Variants in JARID2 observed in about 807,000 individuals in gnomAD.
The protein encoded by JARID2 is jumonji and AT-rich interaction domain containing 2, also known as protein Jumonji.
A neutral mutation model predicts 125.6 loss-of-function variants in JARID2; 21 were observed. The observed-to-expected ratio is 0.17, with a 90% CI of 0.12 to 0.24. JARID2 has a LOEUF of 0.24. Ranked by LOEUF, JARID2 falls within the 10% of genes least tolerant of loss-of-function variation. The pLI, the probability that JARID2 is intolerant of heterozygous loss-of-function variation, is 1.00. For synonymous variants in JARID2, 736 were observed against 661.6 expected (o/e 1.11, Z -1.73); for missense variants, 1,303 against 1,639.6 (o/e 0.79, Z 3.55).
intron 1 of JARID2, among the ~76,000 whole-genome samples, chr6:15,361,076 A>G (rs1763774863): frequency 6.6e-6 from 1 of 152,244 alleles, no homozygotes; most frequent in Non-Finnish European, 1.5e-5. Flanking sequence ...AACAGGTAAC[A>G]GCACATTGAA....
Position 15,320,852 on chromosome 6 carries a change from C to CTGTGTGTGTGTGTG in JARID2, c.46-53247_46-53234dup, listed in dbSNP as rs71944757. Among the ~76,000 whole-genome samples the CTGTGTGTGTGTGTG allele has an allele frequency of 6.9e-3, 1,004 of 145,394 alleles. 7 individuals are homozygous for CTGTGTGTGTGTGTG. Among genetic ancestry groups the CTGTGTGTGTGTGTG allele is most frequent in the African/African-American group, 0.015 (590 of 39,320 alleles). On this transcript the variant is annotated intron_variant, in intron 1 of 17. Transcript: ENST00000341776. The stretch of plus-strand genomic sequence containing the variant: ...AATATGATTCATTCTCTCTCTCTCT[C>CTGTGTGTGTGTGTG]TGTGTGTGTGTGTGTGTGTGTGTGT...
intron 4 of JARID2, among the ~76,000 whole-genome samples, chr6:15,467,359 A>G (rs953816875): frequency 1.3e-5 from 2 of 152,168 alleles, no homozygotes; most frequent in Admixed American, 6.5e-5. Flanking sequence ...TAGCTCATTC[A>G]TAGGCAGGCA....
chr6:15,458,946 G>A (rs907936776), intron 4 of JARID2, among the ~76,000 whole-genome samples: 2 of 151,116 alleles, frequency 1.3e-5, no homozygotes, highest in African/African-American at 4.8e-5. Context: ...CTTCAAGTCA[G>A]GGGTGACATC....
In JARID2 at chr6:15,496,407, G is replaced by C. The variant is rs139296418; in HGVS notation, c.1182G>C (p.Gly394=). The change falls in exon 7 of 18, where the codon GGG becomes GGC. Residue 394 remains glycine (G), a synonymous_variant. Transcript: ENST00000341776. ...CCCGCAAACAGGTGCTATCCCTCGGGGGGGCGTCCAAGTCCACTGGGCCCG... is the reference window on the plus strand; with the variant it reads ...CCCGCAAACAGGTGCTATCCCTCGGCGGGGCGTCCAAGTCCACTGGGCCCG... ...AKTRKQVLSL[G]GASKSTGPAV... is the part of the protein sequence containing the mutation. 20 of 1,613,860 alleles carry C rather than the reference G, an allele frequency of 1.2e-5. No individual in the cohort carries two copies. The highest frequency in any genetic ancestry group is 2.2e-5 in the South Asian group (2 of 91,064).
chr6:15,427,884 C>CT lies in JARID2; in HGVS notation c.323+17531dup, dbSNP rs71535041. ...GCTTATATGGGGTTGTTAGACATACCTTTTTTTTTTTTAATGCAGAGTGCT... is the reference window on the plus strand; with the variant it reads ...GCTTATATGGGGTTGTTAGACATACCTTTTTTTTTTTTTAATGCAGAGTGCT... On this transcript the variant is annotated intron_variant, in intron 3 of 17. Transcript: ENST00000341776. 9.1e-3 allele frequency among the ~76,000 whole-genome samples: 1,314 copies of CT among 145,094 alleles called. 9 individuals carry two copies. The highest frequency in any genetic ancestry group is 0.013 in the Non-Finnish European group (831 of 65,796).
chr6:15,379,332 TG>T (rs1251356606), intron 2 of JARID2, among the ~76,000 whole-genome samples: 2 of 152,194 alleles, frequency 1.3e-5, no homozygotes, highest in African/African-American at 4.8e-5. Context: ...GTCTACTTTT[TG>T]TTGTAGATAA....
intron 3 of JARID2, among the ~76,000 whole-genome samples, chr6:15,422,141 C>G (rs552277504): frequency 3.3e-5 from 5 of 152,176 alleles, no homozygotes; most frequent in South Asian, 4.1e-4. Flanking sequence ...GAGAGAAGCG[C>G]GTCCAGGAGA....
At chr6:15,497,909 T>C (rs1770543188) in intron 7 of JARID2, among the ~76,000 whole-genome samples, 1 of 152,178 alleles carries the variant, frequency 6.6e-6, no homozygotes, top group African/African-American at 2.4e-5. Context: ...CATGGCTGTT[T>C]TCTCCCTGTG....
At chr6:15,372,296 G>A (rs1247179373) in intron 1 of JARID2, among the ~76,000 whole-genome samples, 1 of 152,024 alleles carries the variant, frequency 6.6e-6, no homozygotes, top group Non-Finnish European at 1.5e-5. Flanking sequence ...CCTTCTCCTT[G>A]AACAAAGGGA....
intron 1 of JARID2, among the ~76,000 whole-genome samples, chr6:15,336,115 G>GAATA (rs1234293464): frequency 6.9e-5 from 4 of 58,312 alleles, no homozygotes; most frequent in African/African-American, 1.7e-4. Context: ...ATGAATGAAT[G>GAATA]AATAAATAAA....
At chr6:15,308,094 A>G (rs559508664) in intron 1 of JARID2, among the ~76,000 whole-genome samples, 1 of 152,332 alleles carries the variant, frequency 6.6e-6, no homozygotes, top group Non-Finnish European at 1.5e-5. Flanking sequence ...GAAAGGGTGC[A>G]GGGAATACCC....
chr6:15,460,298 C>T (rs571496880), intron 4 of JARID2, among the ~76,000 whole-genome samples: 24 of 152,250 alleles, frequency 1.6e-4, no homozygotes, highest in South Asian at 8.3e-4. Flanking sequence ...AGGATTCTCC[C>T]TGCTACAGGC....
chr6:15,247,524 TAAATA>T lies in JARID2; in HGVS notation c.45+942_45+946del, dbSNP rs537732637. On this transcript the variant is annotated intron_variant, in intron 1 of 17. Transcript: ENST00000341776. Reference sequence around the variant, plus strand: ...CTGTGATTAGCTGCATGCTTTAAATTAAATAACTCTTTTTTTTTTTCAAAAAAGGC... The same window carrying T: ...CTGTGATTAGCTGCATGCTTTAAATTACTCTTTTTTTTTTTCAAAAAAGGC... 5,625 of 924,494 alleles carry T rather than the reference TAAATA, an allele frequency of 6.1e-3. 23 individuals carry two copies. The highest frequency in any genetic ancestry group is 0.03 in the African/African-American group (1,201 of 40,342). 57.3% of individuals were successfully genotyped at this position (924,494 alleles called of 1,614,324 possible). A position where few individuals can be genotyped will look rare whatever the true frequency, so the allele number is the denominator to read the frequency against.
At chr6:15,436,439 C>T (rs997985792) in intron 3 of JARID2, among the ~76,000 whole-genome samples, 3 of 152,168 alleles carry the variant, frequency 2.0e-5, no homozygotes, top group Non-Finnish European at 4.4e-5. Context: ...TTCCTCAGGA[C>T]GTCCAGCAGC....
At chr6:15,294,348 A>G (rs1310076922) in intron 1 of JARID2, among the ~76,000 whole-genome samples, 4 of 152,154 alleles carry the variant, frequency 2.6e-5, no homozygotes, top group African/African-American at 9.7e-5. Context: ...GCGTGCCAGC[A>G]CACCCGGCTA....
At position 15,471,787 on chromosome 6, in the gene JARID2, A is replaced by G. The variant is rs184987766; in HGVS notation, c.670+3069A>G. ...CAGCATGTTACATGGAGCATATGAA[A>G]GAAGGGGATGGAATGAGGGTGAAGG... is the stretch of plus-strand genomic sequence containing the variant. On this transcript the variant is annotated intron_variant, in intron 5 of 17. Coordinates refer to ENST00000341776, the MANE Select transcript of JARID2 (RefSeq NM_004973.4). Among the ~76,000 whole-genome samples, 376 of 152,264 alleles carry G rather than the reference A, an allele frequency of 2.5e-3. 1 individual carries two copies. The highest frequency in any genetic ancestry group is 8.2e-3 in the African/African-American group (341 of 41,552).
chr6:15,460,188 G>C (rs1175638296), intron 4 of JARID2, among the ~76,000 whole-genome samples: 1 of 152,162 alleles, frequency 6.6e-6, no homozygotes. Context: ...CTGAAACCCT[G>C]AAATTTTTGA....
intron 1 of JARID2, among the ~76,000 whole-genome samples, chr6:15,358,047 A>G (rs1184411842): frequency 6.6e-6 from 1 of 152,074 alleles, no homozygotes; most frequent in African/African-American, 2.4e-5. Flanking sequence ...ACTAGAGAGC[A>G]TTTTATTTTG....
At chr6:15,490,674 G>A (rs530706247) in intron 6 of JARID2, among the ~76,000 whole-genome samples, 1 of 152,248 alleles carries the variant, frequency 6.6e-6, no homozygotes, top group Non-Finnish European at 1.5e-5. Flanking sequence ...TATGGTAAGG[G>A]TCTCACCAAG....
Sources: allele counts gnomAD v4.1 joint callset (sites outside exome capture counted in the v4.1 genomes callset), GRCh38; gene constraint gnomAD v4.1.1; transcripts MANE v1.5; gene names NCBI Gene and HGNC (gene_info 2026-07-23, HGNC 2026-07-21).